The following HDAC4 variants were observed in gnomAD, a reference collection of about 807,000 sequenced individuals.
The protein encoded by HDAC4 is histone deacetylase 4.
In HDAC4, 16 loss-of-function variants were observed where a neutral mutation model predicts 135.1. The observed-to-expected ratio is 0.12, with a 90% CI of 0.08 to 0.18. HDAC4 has a LOEUF of 0.18. HDAC4 is among the 10% of genes least tolerant of loss of function. HDAC4 has a pLI of 1.00. For synonymous variants in HDAC4, 685 were observed against 653.4 expected, an observed-to-expected ratio of 1.05 and a Z score of -0.74; for missense variants, 1,143 against 1,511.8, an observed-to-expected ratio of 0.76 and a Z score of 4.05.
intron 22 of HDAC4, among the ~76,000 whole-genome samples, chr2:239,074,976 C>A (rs753274929): frequency 1.3e-5 from 2 of 152,092 alleles, no homozygotes; most frequent in Non-Finnish European, 2.9e-5. Context: ...GTAATCCCAG[C>A]ACTTTGGGAG....
chr2:239,092,045 T>A (rs1477681043), intron 17 of HDAC4, among the ~76,000 whole-genome samples: 1 of 152,026 alleles, frequency 6.6e-6, no homozygotes, highest in East Asian at 1.9e-4. Context: ...CACTCCAGCC[T>A]GGGCGACAGA....
intron 15 of HDAC4, among the ~76,000 whole-genome samples, chr2:239,106,648 T>C (rs1430803491): frequency 5.3e-5 from 8 of 152,040 alleles, no homozygotes; most frequent in Admixed American, 3.9e-4. Context: ...AATTCCCCCC[T>C]GAAAATTATG....
chr2:239,322,071 C>G (rs1475496662), intron 2 of HDAC4, among the ~76,000 whole-genome samples: 1 of 152,180 alleles, frequency 6.6e-6, no homozygotes, highest in Non-Finnish European at 1.5e-5. Flanking sequence ...GGTTAAGTAC[C>G]CTTTAGAGGT....
intron 1 of HDAC4, among the ~76,000 whole-genome samples, chr2:239,381,104 C>T (rs1430878159): frequency 6.6e-6 from 1 of 152,188 alleles, no homozygotes. Flanking sequence ...GACGTACACG[C>T]GATGCTCTGA....
rs149883908 is a variant in HDAC4, at chr2:239,301,943, T to C, written c.22+50735A>G. Among the ~76,000 whole-genome samples the C allele has an allele frequency of 2.3e-3, 347 of 152,046 alleles. 2 individuals carry two copies. The highest frequency in any genetic ancestry group is 7.6e-3 in the African/African-American group (317 of 41,454). On this transcript the variant is annotated intron_variant, in intron 2 of 26. Coordinates refer to ENST00000543185, the MANE Select transcript of HDAC4 (RefSeq NM_001378414.1). ...AGGAGATTACGCCTAAGACTGATGG[T>C]ACAAGTCTTTTCTTTAAAACAAACA...
chr2:239,386,688 A>G (rs1459244527), intron 1 of HDAC4, among the ~76,000 whole-genome samples: 6 of 152,234 alleles, frequency 3.9e-5, no homozygotes, highest in Admixed American at 1.3e-4. Flanking sequence ...TGACTTTCAT[A>G]AACAACGTAG....
chr2:239,056,736 C>A (rs2031911293), intron 24 of HDAC4, among the ~76,000 whole-genome samples: 1 of 152,196 alleles, frequency 6.6e-6, no homozygotes, highest in African/African-American at 2.4e-5. Context: ...CCAAATAATA[C>A]ATTTGGAAAG....
rs758207926 is a variant in HDAC4, at chr2:239,400,014, G to C, written c.-220+964C>G. Among the ~76,000 whole-genome samples the C allele has an allele frequency of 8.5e-5, 13 of 152,154 alleles. No homozygotes were observed. The highest frequency in any genetic ancestry group is 2.6e-4 in the Admixed American group (4 of 15,282). ...CCCGGCCTTTCCAACTGATACGCACGGTCTCCTCCTATAACAGTGTCAAAT... is the reference window on the plus strand; with the variant it reads ...CCCGGCCTTTCCAACTGATACGCACCGTCTCCTCCTATAACAGTGTCAAAT... On this transcript the variant is annotated intron_variant, in intron 1 of 26. Transcript: ENST00000543185. The surrounding 1 kb of genome is among the most constrained non-coding windows in gnomAD (Gnocchi z 4.7).
intron 2 of HDAC4, among the ~76,000 whole-genome samples, chr2:239,242,175 A>G (rs1263887921): frequency 6.9e-6 from 1 of 144,246 alleles, no homozygotes; most frequent in East Asian, 2.2e-4. Context: ...AAGAGAAAGA[A>G]AGAGAGAGAG....
At chr2:239,297,026 G>A (rs1355309438) in intron 2 of HDAC4, among the ~76,000 whole-genome samples, 3 of 60,118 alleles carry the variant, frequency 5.0e-5, no homozygotes, top group Non-Finnish European at 9.4e-5. Flanking sequence ...TTGTTTTCAT[G>A]TAAAAAAAAA....
intron 1 of HDAC4, among the ~76,000 whole-genome samples, chr2:239,375,916 C>A (rs1236653557): frequency 6.6e-6 from 1 of 152,228 alleles, no homozygotes; most frequent in East Asian, 1.9e-4. Flanking sequence ...GGCAGTCACC[C>A]CACCCGACTG....
chr2:239,272,370 A>G (rs758084421), intron 2 of HDAC4, among the ~76,000 whole-genome samples: 4 of 152,260 alleles, frequency 2.6e-5, no homozygotes, highest in Non-Finnish European at 5.9e-5. Context: ...ACCATCCAGA[A>G]AGGCAACCTA....
At chr2:239,291,462 G>C (rs2051493369) in intron 2 of HDAC4, among the ~76,000 whole-genome samples, 1 of 152,214 alleles carries the variant, frequency 6.6e-6, no homozygotes, top group Non-Finnish European at 1.5e-5. Flanking sequence ...GAGCTGCAGT[G>C]GGATTTTCAA....
At chr2:239,389,616 C>T (rs1178858432) in intron 1 of HDAC4, among the ~76,000 whole-genome samples, 5 of 152,108 alleles carry the variant, frequency 3.3e-5, no homozygotes, top group African/African-American at 9.7e-5. Flanking sequence ...GATTCTGAGG[C>T]GAGGTCCGCA....
intron 2 of HDAC4, among the ~76,000 whole-genome samples, chr2:239,269,385 TATTGTAC>T (rs1225936449): frequency 6.6e-6 from 1 of 152,004 alleles, no homozygotes; most frequent in Non-Finnish European, 1.5e-5. Context: ...ACCTAGCAAA[TATTGTAC>T]ATTGTCTGTG....
intron 1 of HDAC4, among the ~76,000 whole-genome samples, chr2:239,363,938 G>T (rs997613384): frequency 6.6e-6 from 1 of 152,188 alleles, no homozygotes; most frequent in Non-Finnish European, 1.5e-5. Context: ...TACAAGACAG[G>T]ATTCCAAGTG....
chr2:239,101,941 C>T lies in HDAC4; in HGVS notation c.2233+835G>A, dbSNP rs569433978. 1.2e-3 allele frequency among the ~76,000 whole-genome samples: 140 copies of T among 117,178 alleles called. 1 individual carries two copies. Among genetic ancestry groups the T allele is most frequent in the African/African-American group, 4.5e-3 (133 of 29,868 alleles). The allele number at this position is 117,178 out of a possible 152,430, so 76.9% of individuals were successfully genotyped here. A position where few individuals can be genotyped will look rare whatever the true frequency, so the allele number is the denominator to read the frequency against. The stretch of plus-strand genomic sequence containing the variant: ...CCGGGTCTGTGTTCTGTGCCCTGGA[C>T]GCTCCCCGCCCAGGGTCTGGGTTCT... On this transcript the variant is annotated intron_variant, in intron 16 of 26. Coordinates refer to ENST00000543185, the MANE Select transcript of HDAC4 (RefSeq NM_001378414.1).
chr2:239,077,009 C>T (rs2034832524), intron 22 of HDAC4, among the ~76,000 whole-genome samples: 1 of 152,136 alleles, frequency 6.6e-6, no homozygotes, highest in South Asian at 2.1e-4. Flanking sequence ...GGCCCCACCT[C>T]ACCAGCCTGT....
In HDAC4 at chr2:239,051,508, T is replaced by C. The variant is rs1027484077; in HGVS notation, c.*1589A>G. The C allele has an allele frequency of 2.0e-5, 3 of 152,356 alleles. No individual in the cohort carries two copies. Among genetic ancestry groups the C allele is most frequent in the Non-Finnish European group, 4.4e-5 (3 of 68,008 alleles). The allele number at this position is 152,356 out of a possible 1,614,324, so 9.4% of individuals were successfully genotyped here. On this transcript the variant is annotated 3_prime_UTR_variant, in exon 27 of 27. Transcript: ENST00000543185. ...AAAATTGCTAAATGGTGAGGAAAAATGTAAAATTCATAAAACAATGCTTAT... is the reference window on the plus strand; with the variant it reads ...AAAATTGCTAAATGGTGAGGAAAAACGTAAAATTCATAAAACAATGCTTAT...
Sources: gnomAD v4.1 joint callset for allele counts (sites outside exome capture counted in the v4.1 genomes callset) on GRCh38, gnomAD v4.1.1 for gene constraint, Gnocchi (gnomAD v3.1) non-coding constraint, MANE v1.5 for transcripts, NCBI Gene and HGNC (gene_info 2026-07-23, HGNC 2026-07-21) for gene names.